BNIP3: variants seen among roughly 807,000 people sequenced by gnomAD.
The protein encoded by BNIP3 is BCL2 interacting protein 3.
In BNIP3, 16 loss-of-function variants were observed where a neutral mutation model predicts 23.9. The observed-to-expected ratio is 0.67, with a 90% CI of 0.45 to 1.01. BNIP3 has a LOEUF of 1.01. BNIP3 is among the 50% of genes least tolerant of loss of function. The pLI, the probability that BNIP3 is intolerant of heterozygous loss-of-function variation, is 0.00. For missense variants in BNIP3, 198 were observed against 248.7 expected, an observed-to-expected ratio of 0.80 and a Z score of 1.37; for synonymous variants, 81 against 89.3, an observed-to-expected ratio of 0.91 and a Z score of 0.53.
At chr10:131,981,674 C>T (rs899714128) in intron 1 of BNIP3, 87 bp downstream of exon 1, 21 of 1,395,876 alleles carry the variant, frequency 1.5e-5, no homozygotes, top group African/African-American at 3.0e-5. Flanking sequence ...TAGGCCTCCC[C>T]GGCAACCTCC....
At position 131,976,678 on chromosome 10, in the gene BNIP3, C is replaced by G. The variant is rs1417392122; in HGVS notation, c.47-2735G>C. The stretch of plus-strand genomic sequence containing the variant: ...TACCCCACATGTCCCAACCCTAACC[C>G]CAACCATGCTACCCGCACCTCATGG... On this transcript the variant is annotated intron_variant, in intron 1 of 5. Transcript: ENST00000368636. The surrounding 1 kb of genome is among the most constrained non-coding windows in gnomAD (Gnocchi z 4.3). Among the ~76,000 whole-genome samples the G allele has an allele frequency of 6.6e-6, 1 of 152,094 alleles. No homozygotes were observed. Among genetic ancestry groups the G allele is most frequent in the Non-Finnish European group, 1.5e-5 (1 of 68,010 alleles).
In BNIP3 at chr10:131,970,561, G is replaced by A; in HGVS notation, c.539+77C>T. ...CTGATGATCTGGACTTCAGGAAACA[G>A]GTTACGAATAAATCACTGCAACCCA... On this transcript the variant is annotated intron_variant, in intron 5 of 5. Coordinates refer to ENST00000368636, the MANE Select transcript of BNIP3 (RefSeq NM_004052.4). This position sits in a 1 kb window ranked among gnomAD's most constrained non-coding sequence, Gnocchi z 4.1. 1 of 1,533,620 alleles carries A rather than the reference G, an allele frequency of 6.5e-7. No individual in the cohort carries two copies. Among genetic ancestry groups the A allele is most frequent in the East Asian group, 2.3e-5 (1 of 43,516 alleles).
chr10:131,969,774 C>G (rs985865556), intron 5 of BNIP3: 3 of 149,240 alleles, frequency 2.0e-5, no homozygotes, highest in Non-Finnish European at 4.4e-5. Flanking sequence ...GGGACCAGCC[C>G]GAGGAGGAGC....
chr10:131,971,886 T>A (rs1243386184), intron 3 of BNIP3, among the ~76,000 whole-genome samples: 1 of 152,182 alleles, frequency 6.6e-6, no homozygotes, highest in Non-Finnish European at 1.5e-5. Context: ...GACTCCTTGT[T>A]TCCTTGGTGA....
At chr10:131,977,816 C>G (rs986365901) in intron 1 of BNIP3, among the ~76,000 whole-genome samples, 4 of 152,190 alleles carry the variant, frequency 2.6e-5, no homozygotes, top group Admixed American at 2.6e-4. Flanking sequence ...TTGTCCATGG[C>G]TAATGACTTT....
chr10:131,976,820 G>A lies in BNIP3; in HGVS notation c.47-2877C>T, dbSNP rs1176299266. 6.6e-6 allele frequency among the ~76,000 whole-genome samples: 1 copy of A among 152,132 alleles called. No individual in the cohort carries two copies. Among genetic ancestry groups the A allele is most frequent in the Non-Finnish European group, 1.5e-5 (1 of 68,002 alleles). ...AGCCACTGTATTAGCAGTGTATTCT[G>A]AAGGGGCTCCTTACAACTTACACCA... On this transcript the variant is annotated intron_variant, in intron 1 of 5. Coordinates refer to ENST00000368636, the MANE Select transcript of BNIP3 (RefSeq NM_004052.4). This position sits in a 1 kb window ranked among gnomAD's most constrained non-coding sequence, Gnocchi z 4.3.
intron 1 of BNIP3, among the ~76,000 whole-genome samples, chr10:131,979,661 G>A (rs1280370281): frequency 1.3e-5 from 2 of 152,188 alleles, no homozygotes; most frequent in East Asian, 1.9e-4. Context: ...GGGGGAGTAA[G>A]ACTGGGCTTG....
At chr10:131,980,078 G>A (rs998902283) in intron 1 of BNIP3, among the ~76,000 whole-genome samples, 1 of 152,246 alleles carries the variant, frequency 6.6e-6, no homozygotes, top group Non-Finnish European at 1.5e-5. Flanking sequence ...CACCCCGCGG[G>A]TAACTATCTT....
intron 2 of BNIP3, 105 bp downstream of exon 2, chr10:131,973,688 A>AC: frequency 6.6e-7 from 1 of 1,506,448 alleles, no homozygotes; most frequent in East Asian, 2.3e-5. Context: ...CCCGAGGCGA[A>AC]CAGCAGCCCA....
intron 2 of BNIP3, chr10:131,973,552 G>A: frequency 1.8e-6 from 1 of 560,028 alleles, no homozygotes; most frequent in Non-Finnish European, 3.1e-6. Flanking sequence ...GTTTGTGGCT[G>A]TTCCGCTGCC....
chr10:131,978,928 G>T (rs2037098740), intron 1 of BNIP3, among the ~76,000 whole-genome samples: 1 of 152,184 alleles, frequency 6.6e-6, no homozygotes, highest in South Asian at 2.1e-4. Context: ...CAGGTTAGTG[G>T]GGAGAGAACA....
chr10:131,974,039 G>A, intron 1 of BNIP3, 96 bp from the exon 2 acceptor site: 2 of 1,490,038 alleles, frequency 1.3e-6, no homozygotes, highest in South Asian at 2.4e-5. Flanking sequence ...ATTTCCAAGA[G>A]GTAGCAATGG....
At chr10:131,975,658 C>A (rs374057866) in intron 1 of BNIP3, among the ~76,000 whole-genome samples, 6 of 152,164 alleles carry the variant, frequency 3.9e-5, no homozygotes, top group Non-Finnish European at 8.8e-5. Flanking sequence ...AGGCTCCATA[C>A]GCCACTTGTT....
intron 2 of BNIP3, 27 bp downstream of exon 2, chr10:131,973,764 AAC>A: frequency 1.2e-6 from 2 of 1,610,318 alleles, no homozygotes; most frequent in Non-Finnish European, 1.7e-6. Flanking sequence ...TCGGCACTGT[AAC>A]ACATACACTT....
chr10:131,974,090 A>T (rs2037062183), intron 1 of BNIP3, 147 bp from the exon 2 acceptor site: 1 of 1,042,028 alleles, frequency 9.6e-7, no homozygotes, highest in Admixed American at 2.4e-5. Flanking sequence ...ACTTGAAGAC[A>T]TCCCTCTGCC....
rs41306419 is a variant in BNIP3, at chr10:131,968,480, C to T, written c.*44G>A. On this transcript the variant is annotated 3_prime_UTR_variant, in exon 6 of 6. Coordinates refer to ENST00000368636, the MANE Select transcript of BNIP3 (RefSeq NM_004052.4). ...TCTTCAGTGAGCTATGTTGCAAGCT[C>T]AGAAGTAATCCACTAACGAACCAAG... 3.3e-5 allele frequency: 50 copies of T among 1,510,078 alleles called. No homozygotes were observed. Among genetic ancestry groups the T allele is most frequent in the Non-Finnish European group, 4.6e-5 (50 of 1,087,508 alleles). 93.5% of individuals were successfully genotyped at this position (1,510,078 alleles called of 1,614,324 possible).
intron 1 of BNIP3, chr10:131,981,047 G>C (rs1272211618): frequency 6.6e-6 from 1 of 152,204 alleles, no homozygotes; most frequent in African/African-American, 2.4e-5. Context: ...GTGAACGGAT[G>C]GTCTTGCGAA....
intron 1 of BNIP3, among the ~76,000 whole-genome samples, chr10:131,978,894 T>G (rs1456371201): frequency 7.2e-6 from 1 of 138,242 alleles, no homozygotes; most frequent in Non-Finnish European, 1.7e-5. Flanking sequence ...TCTAAGAAAT[T>G]GCTGTTTTAC....
chr10:131,981,416 T>C (rs2037117761), intron 1 of BNIP3: 9 of 360,820 alleles, frequency 2.5e-5, no homozygotes, highest in African/African-American at 1.1e-4. Flanking sequence ...ACGTGGACTT[T>C]GAGGCTGTTC....
Sources: allele counts gnomAD v4.1 joint callset (sites outside exome capture counted in the v4.1 genomes callset), GRCh38; gene constraint gnomAD v4.1.1; non-coding constraint Gnocchi (gnomAD v3.1); transcripts MANE v1.5; gene names NCBI Gene and HGNC (gene_info 2026-07-23, HGNC 2026-07-21).